Variants in XPR1 observed in about 807,000 individuals in gnomAD.
XPR1 encodes xenotropic and polytropic retrovirus receptor 1.
Under a neutral mutation model 87.5 loss-of-function variants are expected in XPR1, and 28 were observed. That is an observed-to-expected ratio of 0.32 (90% CI 0.24 to 0.44). The LOEUF is 0.44. XPR1 is among the 20% of genes least tolerant of loss of function. The pLI, the probability that XPR1 is intolerant of heterozygous loss-of-function variation, is 1.00. For missense variants in XPR1, 559 were observed against 862.3 expected, an observed-to-expected ratio of 0.65 and a Z score of 4.41; for synonymous variants, 300 against 306.1, an observed-to-expected ratio of 0.98 and a Z score of 0.21.
chr1:180,655,708 T>C (rs930248059), intron 1 of XPR1, among the ~76,000 whole-genome samples: 1 of 152,098 alleles, frequency 6.6e-6, no homozygotes, highest in African/African-American at 2.4e-5. Context: ...CTTTTTAGAG[T>C]TTTATAGCTT....
chr1:180,660,441 G>A (rs1571692775), intron 1 of XPR1, among the ~76,000 whole-genome samples: 1 of 151,924 alleles, frequency 6.6e-6, no homozygotes, highest in East Asian at 1.9e-4. Context: ...TGCATCAATA[G>A]GTTATTTGAA....
intron 3 of XPR1, among the ~76,000 whole-genome samples, chr1:180,802,171 A>G (rs1016318952): frequency 6.6e-6 from 1 of 151,718 alleles, no homozygotes; most frequent in Admixed American, 6.6e-5. Flanking sequence ...CATTTCATCT[A>G]TGAAAGGTGT....
intron 1 of XPR1, among the ~76,000 whole-genome samples, chr1:180,633,073 T>C (rs535599908): frequency 6.6e-6 from 1 of 152,342 alleles, no homozygotes; most frequent in East Asian, 1.9e-4. Context: ...AATTAGTATA[T>C]TGTAAACAAT....
chr1:180,881,835 A>G (rs1459728043), intron 14 of XPR1, among the ~76,000 whole-genome samples: 1 of 152,172 alleles, frequency 6.6e-6, no homozygotes, highest in Non-Finnish European at 1.5e-5. Context: ...GCTCAACCAT[A>G]GTAGCCAGGG....
chr1:180,685,609 C>T lies in XPR1; in HGVS notation c.121+3198C>T, dbSNP rs1431452373. The stretch of plus-strand genomic sequence containing the variant: ...TGGTAGAATTCGGCTGTGAATCCAT[C>T]TGGTCCTGGACTTTTTTTGGTTGGT... On this transcript the variant is annotated intron_variant, in intron 2 of 14. Coordinates refer to ENST00000367590, the MANE Select transcript of XPR1 (RefSeq NM_004736.4). 2.0e-5 allele frequency among the ~76,000 whole-genome samples: 3 copies of T among 152,278 alleles called. No homozygotes were observed. The East Asian group carries it at 5.8e-4, about 29-fold the overall frequency.
At chr1:180,688,087 C>G (rs10399718) in intron 2 of XPR1, among the ~76,000 whole-genome samples, 6,026 of 142,270 alleles carry the variant, frequency 0.042, 451 homozygotes, top group African/African-American at 0.15. Context: ...GTCTTGCTCT[C>G]TCTCCCAGGC....
At position 180,659,365 on chromosome 1, in the gene XPR1, TTCCG is replaced by T. The variant is rs762562625; in HGVS notation, c.70-22987_70-22984del. On this transcript the variant is annotated intron_variant, in intron 1 of 14. Transcript: ENST00000367590. The stretch of plus-strand genomic sequence containing the variant: ...CGTCCTTCCTTCCGTCCTTCCGTCC[TTCCG>T]TCCGTCCTTCCGTCCTTCCTTCCTT... Among the ~76,000 whole-genome samples the T allele has an allele frequency of 4.7e-3, 442 of 93,888 alleles. 6 individuals are homozygous for T. Among genetic ancestry groups the T allele is most frequent in the Non-Finnish European group, 4.7e-3 (208 of 44,556 alleles). The allele number at this position is 93,888 out of a possible 152,430, so 61.6% of individuals were successfully genotyped here.
chr1:180,842,865 A>G (rs1011979161), intron 11 of XPR1, among the ~76,000 whole-genome samples: 1 of 152,074 alleles, frequency 6.6e-6, no homozygotes, highest in Non-Finnish European at 1.5e-5. Context: ...TTGATTTTGT[A>G]TTTTACTTTA....
intron 14 of XPR1, among the ~76,000 whole-genome samples, chr1:180,883,601 C>T (rs1199870402): frequency 1.3e-5 from 2 of 151,398 alleles, no homozygotes; most frequent in East Asian, 3.9e-4. Flanking sequence ...CCCAGCTACT[C>T]AGGAGGCTGA....
At chr1:180,762,435 A>G (rs1306495063) in intron 2 of XPR1, among the ~76,000 whole-genome samples, 1 of 152,194 alleles carries the variant, frequency 6.6e-6, no homozygotes, top group Non-Finnish European at 1.5e-5. Flanking sequence ...CTAAAAATGA[A>G]TTATCTTGAT....
intron 1 of XPR1, among the ~76,000 whole-genome samples, chr1:180,669,269 C>T (rs984261489): frequency 6.6e-6 from 1 of 152,088 alleles, no homozygotes; most frequent in Non-Finnish European, 1.5e-5. Context: ...ATATTGAAGT[C>T]TCCAGCTATT....
At chr1:180,791,205 A>G (rs1649365066) in intron 3 of XPR1, among the ~76,000 whole-genome samples, 1 of 152,228 alleles carries the variant, frequency 6.6e-6, no homozygotes, top group Non-Finnish European at 1.5e-5. Flanking sequence ...TTGTATCACA[A>G]AGAATAGAAA....
At chr1:180,641,193 T>C (rs1654950426) in intron 1 of XPR1, among the ~76,000 whole-genome samples, 1 of 152,200 alleles carries the variant, frequency 6.6e-6, no homozygotes, top group Non-Finnish European at 1.5e-5. Flanking sequence ...GGGATAATAA[T>C]AGTACTTACA....
At chr1:180,883,982 T>A in intron 14 of XPR1, 24 bp from the exon 15 acceptor site, 1 of 1,611,434 alleles carries the variant, frequency 6.2e-7, no homozygotes, top group Non-Finnish European at 8.5e-7. Flanking sequence ...ACTAAGTGCT[T>A]TTTGTCCCCC....
chr1:180,744,428 G>A (rs1054759705), intron 2 of XPR1, among the ~76,000 whole-genome samples: 1 of 151,964 alleles, frequency 6.6e-6, no homozygotes, highest in Admixed American at 6.6e-5. Flanking sequence ...CCTTGGTGAA[G>A]CATTTTAATG....
intron 2 of XPR1, among the ~76,000 whole-genome samples, chr1:180,784,952 C>T (rs557201217): frequency 6.7e-5 from 10 of 148,174 alleles, no homozygotes; most frequent in African/African-American, 2.2e-4. Flanking sequence ...ATTTTGCACA[C>T]AATTCTTGCT....
intron 6 of XPR1, 97 bp from the exon 7 acceptor site, chr1:180,811,310 G>C (rs186521968): frequency 2.1e-6 from 2 of 973,008 alleles, no homozygotes; most frequent in Non-Finnish European, 3.1e-6. Context: ...TATTTTCATG[G>C]TAGAACTTTG....
chr1:180,639,094 C>T (rs985829660), intron 1 of XPR1, among the ~76,000 whole-genome samples: 10 of 152,060 alleles, frequency 6.6e-5, no homozygotes, highest in South Asian at 4.2e-4. Context: ...ATCAGGAGTT[C>T]GAGACCAGCC....
chr1:180,818,517 G>A (rs568243016), intron 7 of XPR1, among the ~76,000 whole-genome samples: 1 of 152,174 alleles, frequency 6.6e-6, no homozygotes, highest in South Asian at 2.1e-4. Context: ...TAGTGTTGCT[G>A]TGAGAACTAA....
Sources: gnomAD v4.1 joint callset for allele counts (sites outside exome capture counted in the v4.1 genomes callset) on GRCh38, gnomAD v4.1.1 for gene constraint, MANE v1.5 for transcripts, NCBI Gene and HGNC (gene_info 2026-07-23, HGNC 2026-07-21) for gene names.